EDEM1: variants seen among roughly 807,000 people sequenced by gnomAD.
EDEM1 encodes the protein ER degradation-enhancing alpha-mannosidase-like protein 1.
EDEM1 carries 67 observed loss-of-function variants against 74.4 expected under a neutral mutation model. The observed-to-expected ratio is 0.90, with a 90% CI of 0.74 to 1.10. The LOEUF (loss-of-function observed/expected upper bound fraction) is 1.10. Ranked by LOEUF, EDEM1 falls within the 50% of genes least tolerant of loss-of-function variation. The pLI, the probability that EDEM1 is intolerant of heterozygous loss-of-function variation, is 0.00. For missense variants in EDEM1, 926 were observed against 851.6 expected (o/e 1.09, Z -1.09); for synonymous variants, 382 against 335.9 (o/e 1.14, Z -1.50).
intron 2 of EDEM1, among the ~76,000 whole-genome samples, chr3:5,199,385 G>T (rs1412342508): frequency 1.3e-5 from 2 of 152,208 alleles, no homozygotes; most frequent in African/African-American, 4.8e-5. Context: ...GTCCTTTGGA[G>T]ACAGGACTCT....
intron 7 of EDEM1, among the ~76,000 whole-genome samples, chr3:5,207,828 C>G (rs913369986): frequency 2.6e-5 from 4 of 152,126 alleles, no homozygotes; most frequent in Non-Finnish European, 5.9e-5. Flanking sequence ...TTTGGATAAT[C>G]CATCGCTCAG....
In EDEM1 at chr3:5,196,565, A is replaced by G. The variant is rs186019095; in HGVS notation, c.582+1284A>G. On this transcript the variant is annotated intron_variant, in intron 2 of 11. Transcript: ENST00000256497. ...GTAGTAGAATTACCAGAACTTGGAA[A>G]GAGCTTGAGAGATCATTCTACGTCC... Among the ~76,000 whole-genome samples the G allele has an allele frequency of 1.4e-4, 22 of 152,340 alleles. No individual in the cohort carries two copies. The East Asian group carries it at 4.2e-3, about 29-fold the overall frequency.
In EDEM1 at chr3:5,216,309, A is replaced by G. The variant is rs1002296357; in HGVS notation, c.*391A>G. 4 of 157,072 alleles carry G rather than the reference A, an allele frequency of 2.5e-5. No homozygotes were observed. The highest frequency in any genetic ancestry group is 6.5e-5 in the Admixed American group (1 of 15,410). 9.7% of individuals were successfully genotyped at this position (157,072 alleles called of 1,614,324 possible). A position where few individuals can be genotyped will look rare whatever the true frequency, so the allele number is the denominator to read the frequency against. Reference sequence around the variant, plus strand: ...GTCTTTAAAAAATTTTTTTTATTATATTTTATTTTTTTGAGACAGGGTCTT... The same window carrying G: ...GTCTTTAAAAAATTTTTTTTATTATGTTTTATTTTTTTGAGACAGGGTCTT... On this transcript the variant is annotated 3_prime_UTR_variant, in exon 12 of 12. Coordinates refer to ENST00000256497, the MANE Select transcript of EDEM1 (RefSeq NM_014674.3).
chr3:5,215,366 T>C (rs1363139788), intron 11 of EDEM1, among the ~76,000 whole-genome samples: 1 of 152,154 alleles, frequency 6.6e-6, no homozygotes, highest in Admixed American at 6.5e-5. Flanking sequence ...GAGAAAAACA[T>C]AGCTCAGAAA....
At chr3:5,189,994 T>C (rs1239168134) in intron 1 of EDEM1, among the ~76,000 whole-genome samples, 1 of 28,368 alleles carries the variant, frequency 3.5e-5, no homozygotes, top group Non-Finnish European at 2.6e-4. Flanking sequence ...TCTTAGTTTT[T>C]TTTTTGGGGG....
At position 5,207,070 on chromosome 3, in the gene EDEM1, G is replaced by A; in HGVS notation, c.1218-83G>A. ...AAATTAATGTTAATTCCGTTTAAAT[G>A]AAACTACCAGCAGCTGCTGGAGAGG... On this transcript the variant is annotated intron_variant, in intron 6 of 11. Coordinates refer to ENST00000256497, the MANE Select transcript of EDEM1 (RefSeq NM_014674.3). 2.6e-6 allele frequency: 4 copies of A among 1,556,112 alleles called. No homozygotes were observed. In the South Asian group the frequency reaches 4.8e-5, roughly 19 times the overall value.
In EDEM1 at chr3:5,188,203, T is replaced by G; in HGVS notation, c.398T>G (p.Leu133Arg). The G allele has an allele frequency of 6.3e-7, 1 of 1,581,106 alleles. No homozygotes were observed. The highest frequency in any genetic ancestry group is 8.6e-7 in the Non-Finnish European group (1 of 1,165,718). Residue 133 changes from leucine (L) to arginine (R), a missense_variant, in exon 1 of 12, where the codon CTG becomes CGG. Leu to Arg is a moderately radical substitution (Grantham distance 102). Coordinates refer to ENST00000256497, the MANE Select transcript of EDEM1 (RefSeq NM_014674.3). ...PPQLRAQMRD[L>R]ARGMFVFGYD... is the part of the protein sequence containing the mutation. ...CAGCTGCGTGCCCAGATGCGCGACC[T>G]GGCACGGGGCATGTTCGTCTTTGGC... is the stretch of plus-strand genomic sequence containing the variant.
chr3:5,206,781 A>G (rs539038437), intron 6 of EDEM1, among the ~76,000 whole-genome samples: 21 of 152,274 alleles, frequency 1.4e-4, no homozygotes, highest in African/African-American at 4.8e-4. Flanking sequence ...TAGAGAAGAG[A>G]CTCTTTGTAC....
chr3:5,213,948 T>G (rs1387611017), intron 11 of EDEM1, among the ~76,000 whole-genome samples: 1 of 152,194 alleles, frequency 6.6e-6, no homozygotes, highest in East Asian at 1.9e-4. Flanking sequence ...GGGAGCCTGT[T>G]GATATGATCC....
At chr3:5,206,133 C>G (rs567764556) in intron 6 of EDEM1, among the ~76,000 whole-genome samples, 1 of 151,988 alleles carries the variant, frequency 6.6e-6, no homozygotes, top group Admixed American at 6.5e-5. Context: ...TGTTGTTCCT[C>G]CAGGATGACA....
At chr3:5,195,792 A>G (rs188357660) in intron 2 of EDEM1, among the ~76,000 whole-genome samples, 63 of 152,366 alleles carry the variant, frequency 4.1e-4, no homozygotes, top group African/African-American at 1.4e-3. Flanking sequence ...TGAGCTGCCA[A>G]CGTGGGTGCT....
In EDEM1 at chr3:5,213,497, TAA is replaced by T. The variant is rs2055193331; in HGVS notation, c.1862_1863del (p.Lys621SerfsTer13). ...GTGCACAGGCCGAAACCTCATGAGT[TAA>T]AAGTCATCAACTCCAGCTCCAACGT... is the stretch of plus-strand genomic sequence containing the variant. On this transcript the variant is annotated frameshift_variant, in exon 11 of 12. Coordinates refer to ENST00000256497, the MANE Select transcript of EDEM1 (RefSeq NM_014674.3). LOFTEE classifies it high-confidence loss of function. 9 of 1,612,190 alleles carry T rather than the reference TAA, an allele frequency of 5.6e-6. No individual in the cohort carries two copies. The highest frequency in any genetic ancestry group is 7.6e-6 in the Non-Finnish European group (9 of 1,178,706).
intron 1 of EDEM1, 150 bp downstream of exon 1, chr3:5,188,464 T>G (rs1008592509): frequency 1.1e-6 from 1 of 908,122 alleles, no homozygotes; most frequent in African/African-American, 1.8e-5. Flanking sequence ...CCCGTGTGAG[T>G]CCCTGTGAAG....
chr3:5,206,240 C>T (rs2055095445), intron 6 of EDEM1, among the ~76,000 whole-genome samples: 1 of 147,846 alleles, frequency 6.8e-6, no homozygotes, highest in African/African-American at 2.5e-5. Context: ...CAGAGTCTTG[C>T]TCTGTCACCC....
chr3:5,188,343 G>A lies in EDEM1; in HGVS notation c.509+29G>A, dbSNP rs770970397. ...AGTAGCCCCCGCCGCCCGGGGCCGC[G>A]CGCCCACGCGCTTCCTTCCGCCCTC... is the stretch of plus-strand genomic sequence containing the variant. On this transcript the variant is annotated intron_variant, in intron 1 of 11. Coordinates refer to ENST00000256497, the MANE Select transcript of EDEM1 (RefSeq NM_014674.3). The A allele has an allele frequency of 2.2e-6, 3 of 1,388,488 alleles. No individual in the cohort carries two copies. The Admixed American group carries it at 1.1e-4, about 50-fold the overall frequency. 86.0% of individuals were successfully genotyped at this position (1,388,488 alleles called of 1,614,324 possible). A position where few individuals can be genotyped will look rare whatever the true frequency, so the allele number is the denominator to read the frequency against.
At position 5,210,164 on chromosome 3, in the gene EDEM1, G is replaced by A. The variant is rs775122598; in HGVS notation, c.1510-11G>A. ...CCCATGCTGGATCACATTCTCTCGT[G>A]TTCTCTCTAGGCAACCAAGAATCCC... On this transcript the variant is annotated splice_polypyrimidine_tract_variant and intron_variant, in intron 8 of 11. Coordinates refer to ENST00000256497, the MANE Select transcript of EDEM1 (RefSeq NM_014674.3). The A allele has an allele frequency of 1.9e-6, 3 of 1,613,030 alleles. No homozygotes were observed. Among genetic ancestry groups the A allele is most frequent in the Non-Finnish European group, 2.5e-6 (3 of 1,179,122 alleles).
intron 11 of EDEM1, among the ~76,000 whole-genome samples, chr3:5,214,783 C>T (rs1166270538): frequency 2.6e-5 from 4 of 152,132 alleles, no homozygotes; most frequent in Admixed American, 2.6e-4. Context: ...TCTGACCTGC[C>T]ATACTCACTA....
chr3:5,187,717 C>A lies in EDEM1; in HGVS notation c.-89C>A. The A allele has an allele frequency of 1.4e-6, 2 of 1,390,784 alleles. No homozygotes were observed. The highest frequency in any genetic ancestry group is 1.9e-6 in the Non-Finnish European group (2 of 1,071,294). The allele number at this position is 1,390,784 out of a possible 1,614,324, so 86.2% of individuals were successfully genotyped here. A position where few individuals can be genotyped will look rare whatever the true frequency, so the allele number is the denominator to read the frequency against. On this transcript the variant is annotated 5_prime_UTR_variant, in exon 1 of 12. Coordinates refer to ENST00000256497, the MANE Select transcript of EDEM1 (RefSeq NM_014674.3). ...ACGGGGGAGTTCCTTAAAGGGGAAG[C>A]GAGCCGGGCTACGGGGCGAGCGCGG...
At chr3:5,195,998 ATCT>A (rs1375696098) in intron 2 of EDEM1, among the ~76,000 whole-genome samples, 6 of 152,204 alleles carry the variant, frequency 3.9e-5, no homozygotes, top group African/African-American at 1.4e-4. Context: ...TTGTTTTAAA[ATCT>A]TCTTAGTTAA....
Sources: allele counts gnomAD v4.1 joint callset (sites outside exome capture counted in the v4.1 genomes callset), GRCh38; gene constraint gnomAD v4.1.1; transcripts MANE v1.5; gene names NCBI Gene and HGNC (gene_info 2026-07-23, HGNC 2026-07-21).